ARID4B: variants seen among roughly 807,000 people sequenced by gnomAD.
ARID4B encodes AT-rich interaction domain 4B.
In ARID4B, 26 loss-of-function variants were observed where a neutral mutation model predicts 147.5. That is an observed-to-expected ratio of 0.18 (90% CI 0.13 to 0.24). The LOEUF is 0.24. ARID4B is among the 10% of genes least tolerant of loss of function. The pLI is 1.00. For missense variants in ARID4B, 1,179 were observed against 1,511.5 expected, an observed-to-expected ratio of 0.78 and a Z score of 3.65; for synonymous variants, 512 against 507.9, an observed-to-expected ratio of 1.01 and a Z score of -0.11.
chr1:235,250,102 G>T (rs1346994081), intron 6 of ARID4B, among the ~76,000 whole-genome samples: 2 of 151,624 alleles, frequency 1.3e-5, no homozygotes, highest in Admixed American at 1.3e-4. Context: ...GCGAGACTCC[G>T]TCTCAAAAAA....
chr1:235,268,578 G>C (rs1247609339), intron 2 of ARID4B, among the ~76,000 whole-genome samples: 1 of 152,002 alleles, frequency 6.6e-6, no homozygotes, highest in Non-Finnish European at 1.5e-5. Flanking sequence ...GCCCAGGCTG[G>C]AGTGCAATGG....
chr1:235,227,946 CCT>C (rs1667936748), intron 11 of ARID4B, among the ~76,000 whole-genome samples: 1 of 151,424 alleles, frequency 6.6e-6, no homozygotes, highest in African/African-American at 2.4e-5. Flanking sequence ...AATTCTACTG[CCT>C]CAGCCTCCCG....
intron 8 of ARID4B, among the ~76,000 whole-genome samples, chr1:235,234,907 T>A (rs563816664): frequency 6.6e-6 from 1 of 152,324 alleles, no homozygotes; most frequent in East Asian, 1.9e-4. Context: ...CTAACATCTT[T>A]GTTGAAAGAA....
intron 4 of ARID4B, among the ~76,000 whole-genome samples, chr1:235,256,206 C>G (rs1302039616): frequency 6.7e-6 from 1 of 148,156 alleles, no homozygotes; most frequent in Non-Finnish European, 1.5e-5. Flanking sequence ...AGCAGTTTTA[C>G]CGATCAATAT....
At chr1:235,282,242 C>T (rs1158675974) in intron 2 of ARID4B, among the ~76,000 whole-genome samples, 1 of 152,114 alleles carries the variant, frequency 6.6e-6, no homozygotes, top group East Asian at 1.9e-4. Flanking sequence ...TTAATTATAT[C>T]CTCAGGATTC....
intron 22 of ARID4B, among the ~76,000 whole-genome samples, chr1:235,174,063 G>A (rs1663670145): frequency 6.7e-6 from 1 of 149,402 alleles, no homozygotes; most frequent in South Asian, 2.1e-4. Context: ...TTTCTGGGAT[G>A]GGGTCTCACT....
chr1:235,296,832 A>AAGAG (rs1553313943), intron 2 of ARID4B, among the ~76,000 whole-genome samples: 908 of 19,126 alleles, frequency 0.047, 105 homozygotes, highest in African/African-American at 0.092. Context: ...GAAGGAAGGA[A>AAGAG]GGAAGGGAGG....
intron 2 of ARID4B, among the ~76,000 whole-genome samples, chr1:235,297,008 T>TCA (rs1558289656): frequency 1.3e-5 from 2 of 152,052 alleles, no homozygotes; most frequent in African/African-American, 4.8e-5. Flanking sequence ...TCTTTTCTTT[T>TCA]TATATATATA....
At chr1:235,276,048 G>C (rs979361048) in intron 2 of ARID4B, among the ~76,000 whole-genome samples, 14 of 152,088 alleles carry the variant, frequency 9.2e-5, no homozygotes, top group African/African-American at 3.4e-4. Flanking sequence ...TGAGGCAGAA[G>C]GATCACTTGA....
intron 19 of ARID4B, among the ~76,000 whole-genome samples, chr1:235,189,740 G>GA (rs35748964): frequency 0.29 from 43,438 of 147,610 alleles, 7,283 homozygotes; most frequent in South Asian, 0.54. Flanking sequence ...CTCAATTAAA[G>GA]AAAAAAAAAA....
At chr1:235,256,323 C>A (rs74762606) in intron 4 of ARID4B, among the ~76,000 whole-genome samples, 1 of 152,010 alleles carries the variant, frequency 6.6e-6, no homozygotes, top group Non-Finnish European at 1.5e-5. Flanking sequence ...ATCCTGGGAA[C>A]CCCCAGGGTC....
intron 2 of ARID4B, among the ~76,000 whole-genome samples, chr1:235,286,198 C>A (rs1391737152): frequency 6.6e-6 from 1 of 152,128 alleles, no homozygotes; most frequent in Non-Finnish European, 1.5e-5. Context: ...CAATGCCCAG[C>A]TAATTTTTGA....
chr1:235,225,207 TA>T (rs1282706101), intron 11 of ARID4B, among the ~76,000 whole-genome samples: 2 of 152,198 alleles, frequency 1.3e-5, no homozygotes, highest in Admixed American at 6.5e-5. Context: ...CAAGGTACTA[TA>T]AAAGTATGGG....
chr1:235,278,418 T>C (rs1671474967), intron 2 of ARID4B, among the ~76,000 whole-genome samples: 1 of 152,104 alleles, frequency 6.6e-6, no homozygotes, highest in African/African-American at 2.4e-5. Context: ...CATCCCCTCC[T>C]ATAAGCATTC....
rs1294188661 is a variant in ARID4B at position 235,213,996 on chromosome 1, A to T, written c.1614T>A (p.Asp538Glu). The T allele has an allele frequency of 6.3e-7, 1 of 1,590,564 alleles. No individual in the cohort carries two copies. The highest frequency in any genetic ancestry group is 1.1e-5 in the South Asian group (1 of 90,532). Reference protein sequence around the residue: ...GDETNKEEDEDDEEAEEEEEE... With the variant: ...GDETNKEEDEEDEEAEEEEEE... Reference sequence around the variant, plus strand: ...CCTCCTCCTCTTCTGCTTCTTCATCATCTTCATCTTCTTCTTTATTCGTTT... The same window carrying T: ...CCTCCTCCTCTTCTGCTTCTTCATCTTCTTCATCTTCTTCTTTATTCGTTT... Residue 538 changes from aspartate to glutamate, a missense_variant, in exon 17 of 24, where the codon GAT becomes GAA. Around this residue, in one of 10 missense-constraint regions of ARID4B, gnomAD observed 204 missense variants for 210.9 expected, o/e 0.97. Coordinates refer to ENST00000264183, the MANE Select transcript of ARID4B (RefSeq NM_016374.6).
At chr1:235,267,302 A>C (rs949413337) in intron 2 of ARID4B, among the ~76,000 whole-genome samples, 2 of 152,148 alleles carry the variant, frequency 1.3e-5, no homozygotes, top group African/African-American at 2.4e-5. Context: ...CAAAACAAAA[A>C]ACCATCATTA....
At position 235,182,687 on chromosome 1, in the gene ARID4B, G is replaced by C. The variant is rs370702009; in HGVS notation, c.2232C>G (p.Asn744Lys). Residue 744 changes from asparagine (N) to lysine (K), a missense_variant, in exon 20 of 24, where the codon AAC (asparagine) becomes AAG (lysine). Around this residue, in one of 10 missense-constraint regions of ARID4B, gnomAD observed 321 missense variants for 342.4 expected, o/e 0.94. Coordinates refer to ENST00000264183, the MANE Select transcript of ARID4B (RefSeq NM_016374.6). ...EESKIDHLTN[N>K]RNDLISKEEQ... ...CCTCCTTTGAAATAAGATCATTTCTGTTGTTGGTCAAATGATCAATCTTAG... is the reference window on the plus strand; with the variant it reads ...CCTCCTTTGAAATAAGATCATTTCTCTTGTTGGTCAAATGATCAATCTTAG... 6.2e-6 allele frequency: 10 copies of C among 1,613,544 alleles called. No individual in the cohort carries two copies. The African/African-American group carries it at 1.1e-4, about 17-fold the overall frequency.
At chr1:235,242,374 T>C (rs1362494935) in intron 7 of ARID4B, among the ~76,000 whole-genome samples, 1 of 152,128 alleles carries the variant, frequency 6.6e-6, no homozygotes, top group African/African-American at 2.4e-5. Context: ...ACCCTACACA[T>C]AGACACACAG....
chr1:235,296,683 C>T (rs1191332025), intron 2 of ARID4B, among the ~76,000 whole-genome samples: 1 of 150,588 alleles, frequency 6.6e-6, no homozygotes, highest in African/African-American at 2.4e-5. Context: ...TAGTCTCGAA[C>T]TCCTGGGCTC....
Sources: allele counts gnomAD v4.1 joint callset (sites outside exome capture counted in the v4.1 genomes callset), GRCh38; gene constraint gnomAD v4.1.1; regional missense constraint gnomAD v4.1.1; transcripts MANE v1.5; gene names NCBI Gene and HGNC (gene_info 2026-07-23, HGNC 2026-07-21).